Variants in CYRIA observed in about 807,000 individuals in gnomAD.
CYRIA encodes the protein CYFIP related Rac1 interactor A.
Under a neutral mutation model 43.9 loss-of-function variants are expected in CYRIA, and 15 were observed. That is an observed-to-expected ratio of 0.34 (90% confidence interval 0.23 to 0.53). CYRIA has a LOEUF of 0.53. Among genes scored for constraint, CYRIA ranks in the 20% least tolerant of loss-of-function variants. The pLI is 0.94. For synonymous variants in CYRIA, 117 were observed against 136.0 expected (o/e 0.86, Z 0.97); for missense variants, 236 against 394.2 (o/e 0.60, Z 3.40).
rs1381442756 is a variant in CYRIA at position 16,549,557 on chromosome 2, C to T, written c.*3379G>A. On this transcript the variant is annotated 3_prime_UTR_variant, in exon 12 of 12. Coordinates refer to ENST00000381323, the MANE Select transcript of CYRIA (RefSeq NM_030797.4). ...GCAAAAAAAATTACAATGACTTCAGCAAACAACATATGAAAACTGCAAAAC... is the reference window on the plus strand; with the variant it reads ...GCAAAAAAAATTACAATGACTTCAGTAAACAACATATGAAAACTGCAAAAC... 1 of 152,056 alleles carries T rather than the reference C, an allele frequency of 6.6e-6. No individual in the cohort carries two copies. Among genetic ancestry groups the T allele is most frequent in the African/African-American group, 2.4e-5 (1 of 41,422 alleles). 9.4% of individuals were successfully genotyped at this position (152,056 alleles called of 1,614,324 possible).
intron 10 of CYRIA, among the ~76,000 whole-genome samples, chr2:16,558,618 C>CA (rs1331971496): frequency 6.6e-6 from 1 of 152,156 alleles, no homozygotes; most frequent in Non-Finnish European, 1.5e-5. Context: ...ATGCCACAAT[C>CA]AACAGCAAAG....
intron 2 of CYRIA, among the ~76,000 whole-genome samples, chr2:16,588,427 T>C (rs1307246880): frequency 1.2e-4 from 17 of 145,614 alleles, no homozygotes. Context: ...TCGTTCACCA[T>C]ATAAAAAAAA....
chr2:16,612,795 G>A (rs964813605), intron 2 of CYRIA, among the ~76,000 whole-genome samples: 2 of 152,158 alleles, frequency 1.3e-5, no homozygotes, highest in East Asian at 3.9e-4. Flanking sequence ...TTCTTGATAT[G>A]GTCTGACTCT....
At chr2:16,617,685 G>C (rs1336399577) in intron 2 of CYRIA, among the ~76,000 whole-genome samples, 1 of 152,234 alleles carries the variant, frequency 6.6e-6, no homozygotes, top group Admixed American at 6.5e-5. Context: ...CTGCTACGAA[G>C]AGGTGAGAGG....
intron 1 of CYRIA, among the ~76,000 whole-genome samples, chr2:16,638,004 G>A (rs1340596979): frequency 6.6e-6 from 1 of 152,172 alleles, no homozygotes; most frequent in African/African-American, 2.4e-5. Flanking sequence ...GCTAAGTGTG[G>A]TGCTGAGGGC....
At chr2:16,603,287 C>G (rs1029705873) in intron 2 of CYRIA, among the ~76,000 whole-genome samples, 3 of 152,130 alleles carry the variant, frequency 2.0e-5, no homozygotes, top group African/African-American at 7.2e-5. Context: ...GATCTGCAGG[C>G]CAGAGTGAGG....
At chr2:16,557,444 T>C (rs1007107487) in intron 10 of CYRIA, among the ~76,000 whole-genome samples, 2 of 152,128 alleles carry the variant, frequency 1.3e-5, no homozygotes, top group African/African-American at 4.8e-5. Flanking sequence ...TCCTGGGGTT[T>C]TCACAGTTGA....
intron 1 of CYRIA, among the ~76,000 whole-genome samples, chr2:16,638,648 G>T (rs1457947951): frequency 6.6e-6 from 1 of 152,206 alleles, no homozygotes; most frequent in East Asian, 1.9e-4. Context: ...TGAGGCAGGG[G>T]CTGGGCGGAC....
At chr2:16,588,027 T>A in intron 3 of CYRIA, 23 bp downstream of exon 3, 4 of 1,486,074 alleles carry the variant, frequency 2.7e-6, no homozygotes, top group Non-Finnish European at 3.7e-6. Flanking sequence ...AAAGTTTCCA[T>A]TATTATAATT....
At chr2:16,588,594 T>C (rs1485657898) in intron 2 of CYRIA, among the ~76,000 whole-genome samples, 1 of 152,130 alleles carries the variant, frequency 6.6e-6, no homozygotes, top group African/African-American at 2.4e-5. Context: ...TTTAGATAGA[T>C]GTGGAACATG....
intron 2 of CYRIA, among the ~76,000 whole-genome samples, chr2:16,614,884 T>C (rs1369249311): frequency 6.6e-6 from 1 of 152,148 alleles, no homozygotes; most frequent in Non-Finnish European, 1.5e-5. Flanking sequence ...TCAAAATCTC[T>C]CTGCAGAGTA....
intron 1 of CYRIA, among the ~76,000 whole-genome samples, chr2:16,626,847 G>T (rs1572186773): frequency 6.6e-6 from 1 of 152,216 alleles, no homozygotes; most frequent in East Asian, 1.9e-4. Context: ...GCCTGGTGGG[G>T]CTTCACACCA....
At chr2:16,654,621 C>G (rs1463235905) in intron 1 of CYRIA, among the ~76,000 whole-genome samples, 1 of 152,126 alleles carries the variant, frequency 6.6e-6, no homozygotes, top group African/African-American at 2.4e-5. Context: ...CCTTTTCAGT[C>G]CTATGTCTTA....
chr2:16,663,604 C>T, intron 1 of CYRIA, among the ~76,000 whole-genome samples: 1 of 151,674 alleles, frequency 6.6e-6, no homozygotes, highest in Non-Finnish European at 1.5e-5. Flanking sequence ...GACTCTGGGT[C>T]CCTGACTTAT....
chr2:16,641,147 A>G (rs1485697873), intron 1 of CYRIA, among the ~76,000 whole-genome samples: 1 of 152,184 alleles, frequency 6.6e-6, no homozygotes. Context: ...ACACAGCCAG[A>G]TGACTCTTCC....
chr2:16,555,197 T>A (rs913498165), intron 10 of CYRIA, 58 bp from the exon 11 acceptor site: 79 of 1,434,830 alleles, frequency 5.5e-5, no homozygotes, highest in Admixed American at 5.2e-4. Flanking sequence ...TATGCCAATA[T>A]CTACCCATAA....
chr2:16,567,538 A>AG (rs1467248409), intron 3 of CYRIA, among the ~76,000 whole-genome samples: 2 of 152,132 alleles, frequency 1.3e-5, no homozygotes, highest in Non-Finnish European at 2.9e-5. Flanking sequence ...TGAGGAACTG[A>AG]GGCGGGGTGG....
chr2:16,626,757 C>G (rs1209130112), intron 1 of CYRIA, among the ~76,000 whole-genome samples: 1 of 152,170 alleles, frequency 6.6e-6, no homozygotes, highest in Admixed American at 6.5e-5. Flanking sequence ...ATATCACCAG[C>G]AACACCAGCA....
At chr2:16,624,314 C>T (rs1669092481) in intron 1 of CYRIA, among the ~76,000 whole-genome samples, 1 of 152,202 alleles carries the variant, frequency 6.6e-6, no homozygotes, top group Non-Finnish European at 1.5e-5. Flanking sequence ...CATGGTCAGG[C>T]TGACTTCTCA....
Sources: allele counts gnomAD v4.1 joint callset (sites outside exome capture counted in the v4.1 genomes callset), GRCh38; gene constraint gnomAD v4.1.1; transcripts MANE v1.5; gene names NCBI Gene and HGNC (gene_info 2026-07-23, HGNC 2026-07-21).